Variants in SSUH2 observed in about 807,000 individuals in gnomAD.
SSUH2 encodes protein SSUH2 homolog.
A neutral mutation model predicts 55.3 loss-of-function variants in SSUH2; 47 were observed. The observed-to-expected ratio is 0.85, with a 90% CI of 0.67 to 1.08. The LOEUF (loss-of-function observed/expected upper bound fraction) is 1.08. Among genes scored for constraint, SSUH2 ranks in the 50% least tolerant of loss-of-function variants. The probability of loss-of-function intolerance (pLI) is 0.00; values close to 1 mark genes in which losing one functional copy is unlikely to be tolerated. For missense variants in SSUH2, 535 were observed against 490.7 expected (o/e 1.09, Z -0.85); for synonymous variants, 212 against 191.5 (o/e 1.11, Z -0.89).
intron 5 of SSUH2, among the ~76,000 whole-genome samples, chr3:8,665,366 C>T (rs938825385): frequency 2.0e-5 from 3 of 152,092 alleles, no homozygotes; most frequent in Admixed American, 6.5e-5. Flanking sequence ...TTTTAATTTT[C>T]GCAGATCAGC....
intron 3 of SSUH2, among the ~76,000 whole-genome samples, chr3:8,676,950 A>AGG (rs1363589064): frequency 4.4e-5 from 5 of 113,476 alleles, no homozygotes; most frequent in Non-Finnish European, 7.4e-5. Context: ...GTACGGGGGG[A>AGG]AGGCATCCCC....
At chr3:8,648,736 C>A (rs1702028743), upstream of SSUH2, among the ~76,000 whole-genome samples, 3 of 152,146 alleles carry the variant, frequency 2.0e-5, no homozygotes, top group African/African-American at 7.2e-5. Flanking sequence ...TTGGAAGGCT[C>A]CCAAAACACA....
At chr3:8,639,564 A>G (rs1700492401) in intron 1 of SSUH2, among the ~76,000 whole-genome samples, 1 of 152,226 alleles carries the variant, frequency 6.6e-6, no homozygotes, top group Non-Finnish European at 1.5e-5. Context: ...TCGCCAAGGT[A>G]GTGTTTCAGC....
intron 2 of SSUH2, 62 bp from the exon 3 acceptor site, chr3:8,635,443 T>C: frequency 8.2e-7 from 1 of 1,223,338 alleles, no homozygotes; most frequent in Non-Finnish European, 1.1e-6. Context: ...ATTTGTGTGG[T>C]GGAAGAAGGA....
chr3:8,632,125 C>A lies in SSUH2; in HGVS notation c.340-16G>T, dbSNP rs2125165898. On this transcript the variant is annotated splice_polypyrimidine_tract_variant and intron_variant, in intron 4 of 11. Transcript: ENST00000544814. ...CCAGACGGTACTAAAAGGAAAAAAA[C>A]AGCATGTTCACACTCGTGCCCCTTA... 1 of 1,610,634 alleles carries A rather than the reference C, an allele frequency of 6.2e-7. No individual in the cohort carries two copies. The highest frequency in any genetic ancestry group is 2.2e-5 in the East Asian group (1 of 44,870).
upstream of SSUH2, among the ~76,000 whole-genome samples, chr3:8,649,113 C>T (rs553660877): frequency 2.4e-3 from 370 of 152,298 alleles, no homozygotes; most frequent in Non-Finnish European, 4.2e-3. Flanking sequence ...CAACTCCTCC[C>T]TCTGTGAAAT....
exon 6 of SSUH2, chr3:8,663,768 G>A: frequency 2.2e-6 from 1 of 456,090 alleles, no homozygotes; most frequent in Non-Finnish European, 4.4e-6. Flanking sequence ...CCCAACAACT[G>A]GTTTCCATAG....
chr3:8,620,400 C>T (rs1382772485), intron 11 of SSUH2, among the ~76,000 whole-genome samples: 1 of 152,208 alleles, frequency 6.6e-6, no homozygotes, highest in Non-Finnish European at 1.5e-5. Flanking sequence ...ATTGTGAGGG[C>T]TCCCCAGCCA....
chr3:8,664,743 C>T (rs529485248), intron 5 of SSUH2, among the ~76,000 whole-genome samples: 4 of 152,338 alleles, frequency 2.6e-5, no homozygotes, highest in African/African-American at 4.8e-5. Context: ...GCCCTTGGCC[C>T]TCACAATATC....
intron 1 of SSUH2, among the ~76,000 whole-genome samples, chr3:8,643,498 G>A (rs1478354609): frequency 6.6e-6 from 1 of 152,164 alleles, no homozygotes; most frequent in African/African-American, 2.4e-5. Flanking sequence ...GTCAGATTAA[G>A]CCCTCCTCCA....
intron 3 of SSUH2, chr3:8,634,458 C>T: frequency 1.6e-6 from 2 of 1,290,068 alleles, no homozygotes; most frequent in Non-Finnish European, 2.0e-6. Flanking sequence ...CCCCTTGCAT[C>T]TTCATGCATT....
At chr3:8,681,363 CT>C (rs1304855523) in intron 1 of SSUH2, among the ~76,000 whole-genome samples, 5 of 149,230 alleles carry the variant, frequency 3.4e-5, no homozygotes, top group African/African-American at 7.4e-5. Flanking sequence ...GAGCCAGCCC[CT>C]TTTTTCCCCT....
intron 7 of SSUH2, among the ~76,000 whole-genome samples, chr3:8,656,737 A>G (rs971364439): frequency 3.9e-5 from 6 of 152,094 alleles, no homozygotes; most frequent in East Asian, 1.9e-4. Flanking sequence ...CACAGGGAGG[A>G]AGTGACTTGA....
In SSUH2 at chr3:8,679,365, T is replaced by C. The variant is rs764852536; in HGVS notation, c.-901+340A>G. 2.3e-3 allele frequency among the ~76,000 whole-genome samples: 158 copies of C among 69,878 alleles called. 25 individuals are homozygous for C. Among genetic ancestry groups the C allele is most frequent in the Non-Finnish European group, 3.5e-3 (111 of 31,296 alleles). 45.8% of individuals were successfully genotyped at this position (69,878 alleles called of 152,430 possible). ...CTTGCTCTTCCGACCCCCATCGCAT[T>C]GGCGGGAGGCATCCCCCAGGAGGAG... On this transcript the variant is annotated intron_variant, in intron 2 of 18. Transcript: ENST00000317371.
upstream of SSUH2, among the ~76,000 whole-genome samples, chr3:8,649,622 C>G (rs894290588): frequency 6.6e-6 from 1 of 152,130 alleles, no homozygotes; most frequent in Non-Finnish European, 1.5e-5. Flanking sequence ...TTTCACTCCC[C>G]CTTTTCCTCA....
rs754173462 is a variant in SSUH2 at position 8,626,292 on chromosome 3, T to C, written c.704A>G (p.Lys235Arg). 3.1e-6 allele frequency: 5 copies of C among 1,614,006 alleles called. No homozygotes were observed. The African/African-American group carries it at 6.7e-5, about 22-fold the overall frequency. The change falls in exon 9 of 12, where the codon AAG (lysine) becomes AGG (arginine). Residue 235 changes from lysine (K) to arginine (R), a missense_variant. Physicochemically the swap from Lys to Arg is conservative, Grantham distance 26. Transcript: ENST00000544814. ...CTCCCCCTTGCAGGTGGCGCAGGTC[T>C]TGTTCCCTCTCCCTGAGCAAGTGCT... ...RCSTCSGRGN[K>R]TCATCKGEKK...
In SSUH2 at chr3:8,633,651, G is replaced by A. The variant is rs1437899244; in HGVS notation, c.339+15C>T. The A allele has an allele frequency of 2.0e-6, 3 of 1,505,818 alleles. No homozygotes were observed. Among genetic ancestry groups the A allele is most frequent in the South Asian group, 1.4e-5 (1 of 73,466 alleles). The allele number at this position is 1,505,818 out of a possible 1,614,324, so 93.3% of individuals were successfully genotyped here. A position where few individuals can be genotyped will look rare whatever the true frequency, so the allele number is the denominator to read the frequency against. ...GCCCCCCGGCCAAGGCCCCCCACCGGCCCTGGCCTCTCACCCTGCAGAGGG... is the reference window on the plus strand; with the variant it reads ...GCCCCCCGGCCAAGGCCCCCCACCGACCCTGGCCTCTCACCCTGCAGAGGG... On this transcript the variant is annotated intron_variant, in intron 4 of 11. Coordinates refer to ENST00000544814, the MANE Select transcript of SSUH2 (RefSeq NM_001256748.3).
At chr3:8,663,173 TC>T (rs1703663734) in intron 6 of SSUH2, among the ~76,000 whole-genome samples, 1 of 152,360 alleles carries the variant, frequency 6.6e-6, no homozygotes, top group East Asian at 1.9e-4. Context: ...ATCATTATTA[TC>T]CCCATTTTAC....
chr3:8,648,665 A>G (rs1313861618), upstream of SSUH2, among the ~76,000 whole-genome samples: 1 of 151,944 alleles, frequency 6.6e-6, no homozygotes, highest in Admixed American at 6.6e-5. Context: ...GCTTCCCTCT[A>G]TCACCTCCTC....
Sources: allele counts gnomAD v4.1 joint callset (sites outside exome capture counted in the v4.1 genomes callset), GRCh38; gene constraint gnomAD v4.1.1; transcripts MANE v1.5; gene names NCBI Gene and HGNC (gene_info 2026-07-23, HGNC 2026-07-21).